PLCH1: variants seen among roughly 807,000 people sequenced by gnomAD.
PLCH1 encodes 1-phosphatidylinositol 4,5-bisphosphate phosphodiesterase eta-1.
A neutral mutation model predicts 126.7 loss-of-function variants in PLCH1; 60 were observed. The observed-to-expected ratio is 0.47, with a 90% CI of 0.38 to 0.59. PLCH1 has a LOEUF of 0.59. PLCH1 is among the 20% of genes least tolerant of loss of function. PLCH1 has a pLI of 0.00. For missense variants in PLCH1, 1,723 were observed against 2,040.0 expected (o/e 0.84, Z 2.99); for synonymous variants, 719 against 734.9 (o/e 0.98, Z 0.35).
At chr3:155,660,569 A>G (rs1742016343) in intron 2 of PLCH1, among the ~76,000 whole-genome samples, 1 of 152,190 alleles carries the variant, frequency 6.6e-6, no homozygotes, top group African/African-American at 2.4e-5. Context: ...CTTCATCCTA[A>G]TATCCTAATT....
At chr3:155,598,873 C>G (rs934748069) in intron 2 of PLCH1, among the ~76,000 whole-genome samples, 1 of 152,114 alleles carries the variant, frequency 6.6e-6, no homozygotes, top group Non-Finnish European at 1.5e-5. Context: ...TGTGTATTTA[C>G]GTCCCCAAAG....
intron 2 of PLCH1, among the ~76,000 whole-genome samples, chr3:155,650,220 A>G (rs1413282223): frequency 1.3e-5 from 2 of 152,244 alleles, no homozygotes; most frequent in Non-Finnish European, 2.9e-5. Context: ...TGTGATAGGT[A>G]TAATCCTTGT....
intron 21 of PLCH1, among the ~76,000 whole-genome samples, chr3:155,470,210 C>T (rs1355808653): frequency 6.6e-6 from 1 of 151,684 alleles, no homozygotes; most frequent in Non-Finnish European, 1.5e-5. Flanking sequence ...ACTAGAATAA[C>T]CAATACAGAG....
intron 6 of PLCH1, among the ~76,000 whole-genome samples, chr3:155,572,392 C>T (rs781599676): frequency 1.2e-4 from 19 of 152,238 alleles, no homozygotes; most frequent in Non-Finnish European, 1.9e-4. Context: ...ATTCTGATTC[C>T]AGTCCTTTTC....
At chr3:155,669,626 A>G (rs771820335) in intron 2 of PLCH1, among the ~76,000 whole-genome samples, 1 of 152,196 alleles carries the variant, frequency 6.6e-6, no homozygotes, top group Non-Finnish European at 1.5e-5. Flanking sequence ...TTTTAAAACC[A>G]TCAGTGAGAA....
At chr3:155,695,872 A>G (rs1313273353) in intron 2 of PLCH1, among the ~76,000 whole-genome samples, 3 of 152,246 alleles carry the variant, frequency 2.0e-5, no homozygotes, top group African/African-American at 7.2e-5. Flanking sequence ...TTTGTGGGCA[A>G]GGAATGCAAA....
intron 2 of PLCH1, among the ~76,000 whole-genome samples, chr3:155,692,200 C>A (rs1420510072): frequency 1.3e-5 from 2 of 152,116 alleles, no homozygotes; most frequent in East Asian, 3.9e-4. Context: ...AGGAAAATAA[C>A]CATATGAAGG....
chr3:155,546,717 C>T (rs920114557), intron 10 of PLCH1, among the ~76,000 whole-genome samples: 2 of 149,398 alleles, frequency 1.3e-5, no homozygotes, highest in Non-Finnish European at 3.0e-5. Flanking sequence ...CAGAACAGAG[C>T]CCTCAGAAAT....
At chr3:155,537,602 A>G (rs1242121516) in intron 10 of PLCH1, among the ~76,000 whole-genome samples, 1 of 152,176 alleles carries the variant, frequency 6.6e-6, no homozygotes, top group Admixed American at 6.5e-5. Flanking sequence ...AGCTATCCTT[A>G]TATCAGACAA....
chr3:155,673,323 C>T (rs969033814), intron 2 of PLCH1, among the ~76,000 whole-genome samples: 1 of 151,868 alleles, frequency 6.6e-6, no homozygotes, highest in African/African-American at 2.4e-5. Flanking sequence ...TGCACTATAC[C>T]AGAAGTTACT....
chr3:155,466,196 C>T (rs1415127471), intron 21 of PLCH1, among the ~76,000 whole-genome samples: 1 of 152,198 alleles, frequency 6.6e-6, no homozygotes, highest in African/African-American at 2.4e-5. Flanking sequence ...CAGCACTGTG[C>T]AGGCTTTGGA....
chr3:155,609,376 A>G (rs1053064513), intron 2 of PLCH1, among the ~76,000 whole-genome samples: 2 of 152,214 alleles, frequency 1.3e-5, no homozygotes, highest in African/African-American at 4.8e-5. Flanking sequence ...GCCCCATGGG[A>G]AAAAAGAATC....
chr3:155,723,215 T>C (rs1244465417), intron 1 of PLCH1, among the ~76,000 whole-genome samples: 1 of 152,172 alleles, frequency 6.6e-6, no homozygotes, highest in Non-Finnish European at 1.5e-5. Context: ...TCTCTCTCCA[T>C]AGCAGCCTTG....
At position 155,481,441 on chromosome 3, in the gene PLCH1, C is replaced by T. The variant is rs527988724; in HGVS notation, c.4585G>A (p.Glu1529Lys). The stretch of plus-strand genomic sequence containing the variant: ...TGCTCGGTCAGGGCATCTATAGGCT[C>T]TAACGACTTTGTCTTCACAGTCACG... Reference protein sequence around the residue: ...KGVTVKTKSLEPIDALTEQLR... With the variant: ...KGVTVKTKSLKPIDALTEQLR... Residue 1529 changes from glutamate (E) to lysine (K), a missense_variant, in exon 23 of 23, where the codon GAG becomes AAG. By Grantham distance (56) the Glu-to-Lys change is moderately conservative. Transcript: ENST00000460012. The surrounding 1 kb of genome is among the most constrained non-coding windows in gnomAD (Gnocchi z 4.2). 1 of 1,614,188 alleles carries T rather than the reference C, an allele frequency of 6.2e-7. No individual in the cohort carries two copies. Among genetic ancestry groups the T allele is most frequent in the Non-Finnish European group, 8.5e-7 (1 of 1,180,044 alleles).
rs557845598 is a variant in PLCH1 at position 155,640,216 on chromosome 3, G to A, written c.80-43838C>T. 1.3e-5 allele frequency among the ~76,000 whole-genome samples: 2 copies of A among 152,352 alleles called. 1 individual carries two copies. Among genetic ancestry groups the A allele is most frequent in the South Asian group, 4.1e-4 (2 of 4,828 alleles). On this transcript the variant is annotated intron_variant, in intron 2 of 22. Transcript: ENST00000460012. Reference sequence around the variant, plus strand: ...GACAGTCCACAGAGAAAGAGAATGAGGCAGATGGCAGGGAGAGCCACGGAG... The same window carrying A: ...GACAGTCCACAGAGAAAGAGAATGAAGCAGATGGCAGGGAGAGCCACGGAG...
At chr3:155,525,386 G>A (rs1297749999) in intron 10 of PLCH1, among the ~76,000 whole-genome samples, 1 of 152,068 alleles carries the variant, frequency 6.6e-6, no homozygotes, top group African/African-American at 2.4e-5. Context: ...ACAAATAGTA[G>A]GTACTATCTA....
chr3:155,678,850 A>G (rs961826883), intron 2 of PLCH1, among the ~76,000 whole-genome samples: 3 of 152,190 alleles, frequency 2.0e-5, no homozygotes, highest in Non-Finnish European at 4.4e-5. Flanking sequence ...ATTTTTAATC[A>G]TTAGACCTAA....
intron 21 of PLCH1, among the ~76,000 whole-genome samples, chr3:155,467,788 G>T (rs1315049819): frequency 1.3e-5 from 2 of 152,152 alleles, no homozygotes; most frequent in Non-Finnish European, 2.9e-5. Flanking sequence ...ATAAAGACTT[G>T]CCCAGACAAA....
intron 2 of PLCH1, among the ~76,000 whole-genome samples, chr3:155,596,711 A>G (rs983813886): frequency 5.9e-5 from 9 of 152,248 alleles, no homozygotes; most frequent in African/African-American, 2.2e-4. Flanking sequence ...AAGTTCTCAG[A>G]CATGATAAGT....
Sources: allele counts gnomAD v4.1 joint callset (sites outside exome capture counted in the v4.1 genomes callset), GRCh38; gene constraint gnomAD v4.1.1; non-coding constraint Gnocchi (gnomAD v3.1); transcripts MANE v1.5; gene names NCBI Gene and HGNC (gene_info 2026-07-23, HGNC 2026-07-21).